Variants in FSTL4 observed in about 807,000 individuals in gnomAD.
FSTL4 encodes follistatin like 4.
In FSTL4, 28 loss-of-function variants were observed where a neutral mutation model predicts 78.2. That is an observed-to-expected ratio of 0.36 (90% CI 0.27 to 0.49). The LOEUF (loss-of-function observed/expected upper bound fraction) is 0.49. FSTL4 is among the 20% of genes least tolerant of loss of function. The probability of loss-of-function intolerance (pLI) is 0.98; values close to 1 mark genes in which losing one functional copy is unlikely to be tolerated. For synonymous variants in FSTL4, 422 were observed against 440.5 expected, an observed-to-expected ratio of 0.96 and a Z score of 0.53; for missense variants, 922 against 1,084.9, an observed-to-expected ratio of 0.85 and a Z score of 2.11.
chr5:133,544,315 C>T (rs1759531004), intron 3 of FSTL4, among the ~76,000 whole-genome samples: 1 of 151,966 alleles, frequency 6.6e-6, no homozygotes, highest in African/African-American at 2.4e-5. Context: ...TGTTAAAAAT[C>T]TTTTATTTTT....
At chr5:133,748,540 C>T in the FSTL4 span, among the ~76,000 whole-genome samples, 31 of 152,184 alleles carry the variant, frequency 2.0e-4, no homozygotes, top group Non-Finnish European at 4.3e-4. Flanking sequence ...CACTGCACTC[C>T]GGCCTGGGTG....
intron 4 of FSTL4, among the ~76,000 whole-genome samples, chr5:133,318,718 A>C (rs1183316209): frequency 6.6e-6 from 1 of 152,244 alleles, no homozygotes; most frequent in Non-Finnish European, 1.5e-5. Context: ...GCTCCGAAGA[A>C]CATGCTGCAG....
the FSTL4 span, among the ~76,000 whole-genome samples, chr5:133,666,989 G>A: frequency 6.6e-6 from 1 of 152,092 alleles, no homozygotes; most frequent in African/African-American, 2.4e-5. Context: ...TTCCACCCCT[G>A]AGTTCCAGGC....
chr5:133,727,630 C>T, the FSTL4 span, among the ~76,000 whole-genome samples: 2 of 152,214 alleles, frequency 1.3e-5, no homozygotes, highest in Non-Finnish European at 2.9e-5. Flanking sequence ...AAGGCCCAGC[C>T]AACATCTTAG....
chr5:133,490,827 T>C (rs886349292), intron 3 of FSTL4, among the ~76,000 whole-genome samples: 1 of 152,214 alleles, frequency 6.6e-6, no homozygotes, highest in Non-Finnish European at 1.5e-5. Flanking sequence ...AGAATGTGTA[T>C]TAGGTGTGGA....
intron 2 of FSTL4, among the ~76,000 whole-genome samples, chr5:133,593,050 CG>C (rs1394546815): frequency 6.6e-6 from 1 of 152,042 alleles, no homozygotes; most frequent in African/African-American, 2.4e-5. Context: ...TTTTGGCCAC[CG>C]GGGTGGTAGT....
chr5:133,707,247 G>A, the FSTL4 span, among the ~76,000 whole-genome samples: 6 of 152,178 alleles, frequency 3.9e-5, no homozygotes, highest in East Asian at 1.2e-3. Flanking sequence ...CCAGGATCCT[G>A]CCCACCAGCA....
chr5:133,246,088 C>T (rs1436487043), intron 7 of FSTL4, among the ~76,000 whole-genome samples: 4 of 152,320 alleles, frequency 2.6e-5, no homozygotes, highest in East Asian at 1.9e-4. Context: ...AGGAGGCCCA[C>T]GCTCCTTCGT....
chr5:133,495,541 T>C (rs1447985885), intron 3 of FSTL4, among the ~76,000 whole-genome samples: 1 of 152,214 alleles, frequency 6.6e-6, no homozygotes, highest in Admixed American at 6.5e-5. Context: ...GAGTTCCTGC[T>C]CTGGGGTATA....
At position 133,426,851 on chromosome 5, in the gene FSTL4, T is replaced by C. The variant is rs557641164; in HGVS notation, c.161-25865A>G. The stretch of plus-strand genomic sequence containing the variant: ...CCAAACCAGGCTAAAATGTTTCCTT[T>C]TTCCGAAAGTCAGCACAAGTTCTGG... On this transcript the variant is annotated intron_variant, in intron 3 of 15. Coordinates refer to ENST00000265342, the MANE Select transcript of FSTL4 (RefSeq NM_015082.2). The surrounding 1 kb of genome is among the most constrained non-coding windows in gnomAD (Gnocchi z 5.0). Among the ~76,000 whole-genome samples, 2 of 152,320 alleles carry C rather than the reference T, an allele frequency of 1.3e-5. No homozygotes were observed. Among genetic ancestry groups the C allele is most frequent in the East Asian group, 3.9e-4 (2 of 5,186 alleles).
chr5:133,423,053 T>C (rs1756734052), intron 3 of FSTL4, among the ~76,000 whole-genome samples: 1 of 152,192 alleles, frequency 6.6e-6, no homozygotes, highest in Non-Finnish European at 1.5e-5. Context: ...ACGGCCGAGC[T>C]CTAGTTTTGA....
the FSTL4 span, among the ~76,000 whole-genome samples, chr5:133,830,397 T>C: frequency 0.078 from 11,856 of 151,914 alleles, 953 homozygotes; most frequent in African/African-American, 0.21. Flanking sequence ...AGGGACAGGG[T>C]CTGGAAGTAC....
chr5:133,280,871 C>T (rs1326389244), intron 6 of FSTL4, among the ~76,000 whole-genome samples: 1 of 152,214 alleles, frequency 6.6e-6, no homozygotes, highest in Non-Finnish European at 1.5e-5. Context: ...CCTCTCACCT[C>T]CCTGTCTCTT....
chr5:133,820,948 G>C, the FSTL4 span, among the ~76,000 whole-genome samples: 4 of 152,172 alleles, frequency 2.6e-5, no homozygotes, highest in South Asian at 6.2e-4. Flanking sequence ...TTCAGAAAAG[G>C]GTGGTAATAG....
chr5:133,576,017 T>C (rs973152904), intron 2 of FSTL4, among the ~76,000 whole-genome samples: 1 of 152,232 alleles, frequency 6.6e-6, no homozygotes, highest in African/African-American at 2.4e-5. Context: ...CTCACTATAA[T>C]GTAGAAGAAC....
At chr5:133,425,867 A>G (rs747472230) in intron 3 of FSTL4, among the ~76,000 whole-genome samples, 55 of 152,376 alleles carry the variant, frequency 3.6e-4, no homozygotes, top group Non-Finnish European at 6.3e-4. Context: ...AAGTGGCGGA[A>G]GAAATCCAGA....
chr5:133,554,754 G>A (rs1002230551), intron 3 of FSTL4, among the ~76,000 whole-genome samples: 5 of 152,170 alleles, frequency 3.3e-5, no homozygotes, highest in African/African-American at 7.2e-5. Flanking sequence ...CACTCACAAT[G>A]AATTATCTTG....
chr5:133,681,563 G>A, the FSTL4 span, among the ~76,000 whole-genome samples: 1 of 152,004 alleles, frequency 6.6e-6, no homozygotes, highest in Non-Finnish European at 1.5e-5. Context: ...TCCTCTCACT[G>A]AGGAAAAAGA....
chr5:133,564,113 A>C (rs1759977380), intron 3 of FSTL4, among the ~76,000 whole-genome samples: 1 of 152,108 alleles, frequency 6.6e-6, no homozygotes, highest in Non-Finnish European at 1.5e-5. Flanking sequence ...CTCTGCTTCC[A>C]TCATCACACG....
Sources: gnomAD v4.1 joint callset for allele counts (sites outside exome capture counted in the v4.1 genomes callset) on GRCh38, gnomAD v4.1.1 for gene constraint, Gnocchi (gnomAD v3.1) non-coding constraint, MANE v1.5 for transcripts, NCBI Gene and HGNC (gene_info 2026-07-23, HGNC 2026-07-21) for gene names.